The following TOX variants were observed in gnomAD, a reference collection of about 807,000 sequenced individuals.
The protein encoded by TOX is thymocyte selection-associated high mobility group box protein TOX.
Under a neutral mutation model 53.7 loss-of-function variants are expected in TOX, and 11 were observed. The observed-to-expected ratio is 0.20, with a 90% CI of 0.13 to 0.34. TOX has a LOEUF of 0.34. Among genes scored for constraint, TOX ranks in the 10% least tolerant of loss-of-function variants. The pLI is 1.00. For missense variants in TOX, 570 were observed against 664.6 expected, an observed-to-expected ratio of 0.86 and a Z score of 1.56; for synonymous variants, 225 against 245.3, an observed-to-expected ratio of 0.92 and a Z score of 0.77.
At chr8:59,046,729 G>C (rs186445065) in intron 1 of TOX, among the ~76,000 whole-genome samples, 2 of 151,664 alleles carry the variant, frequency 1.3e-5, no homozygotes, top group South Asian at 4.2e-4. Flanking sequence ...GTGGTGGCAC[G>C]CACCTGTAGT....
At chr8:59,081,852 C>T (rs545322776) in intron 1 of TOX, among the ~76,000 whole-genome samples, 3 of 152,230 alleles carry the variant, frequency 2.0e-5, no homozygotes, top group Admixed American at 6.5e-5. Context: ...GAAAAAAAAT[C>T]GAATACTGCA....
At chr8:58,905,062 A>G (rs554581354) in intron 3 of TOX, among the ~76,000 whole-genome samples, 2 of 152,306 alleles carry the variant, frequency 1.3e-5, no homozygotes, top group South Asian at 4.1e-4. Context: ...CCTCCTGAGT[A>G]GCTGGGACTA....
chr8:58,955,121 G>A (rs17299660), intron 2 of TOX, among the ~76,000 whole-genome samples: 1,536 of 152,212 alleles, frequency 0.01, 6 homozygotes, highest in Non-Finnish European at 0.017. Context: ...CTGATTCCAG[G>A]AAAACATAAT....
intron 1 of TOX, among the ~76,000 whole-genome samples, chr8:59,025,740 C>G (rs1033550353): frequency 3.3e-5 from 5 of 152,150 alleles, no homozygotes; most frequent in Non-Finnish European, 5.9e-5. Flanking sequence ...TTTCCCCAGG[C>G]AGATGGTTCG....
intron 1 of TOX, among the ~76,000 whole-genome samples, chr8:59,075,083 T>G (rs748425674): frequency 6.6e-6 from 1 of 152,112 alleles, no homozygotes; most frequent in Non-Finnish European, 1.5e-5. Context: ...AATGTATTAA[T>G]ATGATGAAGA....
intron 1 of TOX, among the ~76,000 whole-genome samples, chr8:59,094,026 T>G (rs922731305): frequency 1.3e-5 from 2 of 152,180 alleles, no homozygotes; most frequent in African/African-American, 4.8e-5. Flanking sequence ...TATTATTTAC[T>G]GAAAATTATA....
At chr8:59,033,586 T>C (rs1485055152) in intron 1 of TOX, among the ~76,000 whole-genome samples, 2 of 152,202 alleles carry the variant, frequency 1.3e-5, no homozygotes, top group Non-Finnish European at 2.9e-5. Context: ...GTCGCCACTA[T>C]TACAAGAAAG....
intron 2 of TOX, among the ~76,000 whole-genome samples, chr8:58,952,396 G>A (rs971818495): frequency 8.6e-5 from 13 of 152,014 alleles, no homozygotes; most frequent in South Asian, 6.2e-4. Flanking sequence ...TTTATTATGC[G>A]CTACCAGAAA....
At chr8:58,995,922 C>A (rs551492634) in intron 1 of TOX, among the ~76,000 whole-genome samples, 1 of 152,204 alleles carries the variant, frequency 6.6e-6, no homozygotes, top group Non-Finnish European at 1.5e-5. Context: ...GTGGGTTTTT[C>A]CTGGGGCTGG....
rs533598514 is a variant in TOX at position 58,990,999 on chromosome 8, C to T, written c.103-30991G>A. ...ACAAAATTGAGCACTCTTCTAAGTGCTTTGCCTATGTTAATTAATCCTCGT... is the reference window on the plus strand; with the variant it reads ...ACAAAATTGAGCACTCTTCTAAGTGTTTTGCCTATGTTAATTAATCCTCGT... On this transcript the variant is annotated intron_variant, in intron 1 of 8. Coordinates refer to ENST00000361421, the MANE Select transcript of TOX (RefSeq NM_014729.3). 1.7e-4 allele frequency among the ~76,000 whole-genome samples: 26 copies of T among 152,340 alleles called. No homozygotes were observed. The South Asian group carries it at 5.2e-3, about 30-fold the overall frequency.
At chr8:59,114,409 T>C (rs1167916801) in intron 1 of TOX, among the ~76,000 whole-genome samples, 1 of 152,182 alleles carries the variant, frequency 6.6e-6, no homozygotes. Context: ...GATAGCTACA[T>C]TTGAAACTTT....
At chr8:58,932,025 T>G (rs1235601964) in intron 3 of TOX, among the ~76,000 whole-genome samples, 5 of 152,196 alleles carry the variant, frequency 3.3e-5, no homozygotes, top group African/African-American at 4.8e-5. Context: ...TCCATTGAAC[T>G]ATATCAATAC....
chr8:59,112,777 T>C (rs1411673060), intron 1 of TOX, among the ~76,000 whole-genome samples: 3 of 152,216 alleles, frequency 2.0e-5, no homozygotes, highest in Non-Finnish European at 2.9e-5. Flanking sequence ...AGAGCCACAG[T>C]GTCTAATAAC....
At chr8:59,103,263 G>C (rs1220054542) in intron 1 of TOX, among the ~76,000 whole-genome samples, 1 of 152,056 alleles carries the variant, frequency 6.6e-6, no homozygotes, top group Non-Finnish European at 1.5e-5. Context: ...AAAGAATCAG[G>C]GGAAACAAAT....
intron 1 of TOX, among the ~76,000 whole-genome samples, chr8:59,019,014 T>C (rs1814070105): frequency 6.6e-6 from 1 of 152,194 alleles, no homozygotes; most frequent in South Asian, 2.1e-4. Context: ...TAATCACTAT[T>C]GTTATCCCAT....
intron 1 of TOX, among the ~76,000 whole-genome samples, chr8:59,061,327 C>T (rs1272466035): frequency 1.3e-5 from 2 of 152,038 alleles, no homozygotes; most frequent in Non-Finnish European, 2.9e-5. Flanking sequence ...GCAATTGGTA[C>T]TGATTGTTGA....
Position 58,842,255 on chromosome 8 carries a change from A to T in TOX, c.694-3944T>A, listed in dbSNP as rs540284736. Among the ~76,000 whole-genome samples, 9 of 152,174 alleles carry T rather than the reference A, an allele frequency of 5.9e-5. No individual in the cohort carries two copies. The South Asian group carries it at 1.7e-3, about 28-fold the overall frequency. Reference sequence around the variant, plus strand: ...GGGTGAGTCAGCAGACTGCGTGGGGAAGACAGACCCTCAGTGTGGCCAGCC... The same window carrying T: ...GGGTGAGTCAGCAGACTGCGTGGGGTAGACAGACCCTCAGTGTGGCCAGCC... On this transcript the variant is annotated intron_variant, in intron 4 of 8. Transcript: ENST00000361421.
Position 58,934,234 on chromosome 8 carries a change from G to C in TOX, c.411+5068C>G, listed in dbSNP as rs575083391. 1.1e-4 allele frequency among the ~76,000 whole-genome samples: 17 copies of C among 152,240 alleles called. No individual in the cohort carries two copies. The South Asian group carries it at 3.3e-3, about 30-fold the overall frequency. ...AGGAAAATGGAATCCTTTTCAAAGT[G>C]CCAGAAATTTAACTAGTTGCAGGAA... On this transcript the variant is annotated intron_variant, in intron 3 of 8. Transcript: ENST00000361421.
At chr8:58,861,452 G>A (rs1811008358) in intron 3 of TOX, among the ~76,000 whole-genome samples, 1 of 152,128 alleles carries the variant, frequency 6.6e-6, no homozygotes, top group Non-Finnish European at 1.5e-5. Flanking sequence ...ACAAAGTGTA[G>A]GCAGTGTTTT....
Sources: gnomAD v4.1 joint callset for allele counts (sites outside exome capture counted in the v4.1 genomes callset) on GRCh38, gnomAD v4.1.1 for gene constraint, MANE v1.5 for transcripts, NCBI Gene and HGNC (gene_info 2026-07-23, HGNC 2026-07-21) for gene names.